CCSER1: variants seen among roughly 807,000 people sequenced by gnomAD.
The protein encoded by CCSER1 is coiled-coil serine rich protein 1.
In CCSER1, 41 loss-of-function variants were observed where a neutral mutation model predicts 82.0. The observed-to-expected ratio is 0.50, with a 90% CI of 0.39 to 0.65. The LOEUF (loss-of-function observed/expected upper bound fraction) is 0.65, where lower values mean the gene tolerates loss of function less well. CCSER1 is among the 30% of genes least tolerant of loss of function. The pLI is 0.00. For missense variants in CCSER1, 1,119 were observed against 1,064.2 expected (o/e 1.05, Z -0.72); for synonymous variants, 414 against 383.9 (o/e 1.08, Z -0.92).
At chr4:91,172,643 C>G (rs1732880547) in intron 10 of CCSER1, among the ~76,000 whole-genome samples, 1 of 152,172 alleles carries the variant, frequency 6.6e-6, no homozygotes, top group African/African-American at 2.4e-5. Flanking sequence ...TCAGACTCTT[C>G]TGATCAACAG....
chr4:91,605,209 T>C lies in CCSER1; in HGVS notation c.*6152T>C, dbSNP rs1318046954. 1 of 152,092 alleles carries C rather than the reference T, an allele frequency of 6.6e-6. No individual in the cohort carries two copies. Among genetic ancestry groups the C allele is most frequent in the East Asian group, 1.9e-4 (1 of 5,198 alleles). 9.4% of individuals were successfully genotyped at this position (152,092 alleles called of 1,614,324 possible). A position where few individuals can be genotyped will look rare whatever the true frequency, so the allele number is the denominator to read the frequency against. On this transcript the variant is annotated 3_prime_UTR_variant, in exon 11 of 11. Coordinates refer to ENST00000509176, the MANE Select transcript of CCSER1 (RefSeq NM_001145065.2). ...AATGAAAATTTCTCAATTTGGTTAA[T>C]ATTCTAAGAAAAGATTGATATATTT...
chr4:91,073,167 A>C (rs959816306), intron 9 of CCSER1, among the ~76,000 whole-genome samples: 12 of 152,138 alleles, frequency 7.9e-5, no homozygotes, highest in African/African-American at 2.9e-4. Flanking sequence ...GAAAAAATAT[A>C]GTTTGATAAA....
chr4:91,592,589 CAAG>C (rs145064885), intron 10 of CCSER1, among the ~76,000 whole-genome samples: 15,027 of 152,174 alleles, frequency 0.099, 752 homozygotes, highest in Middle Eastern at 0.16. Context: ...GCTTCTACTA[CAAG>C]AACTGTAACC....
At chr4:90,212,511 T>C (rs1025355232) in intron 1 of CCSER1, among the ~76,000 whole-genome samples, 13 of 152,180 alleles carry the variant, frequency 8.5e-5, no homozygotes, top group African/African-American at 2.9e-4. Context: ...ATTTGAAGGA[T>C]TGACTTTCTT....
intron 10 of CCSER1, among the ~76,000 whole-genome samples, chr4:91,425,181 GA>G (rs913655514): frequency 2.6e-4 from 40 of 152,200 alleles, no homozygotes; most frequent in African/African-American, 9.4e-4. Context: ...AGAGAAAGAA[GA>G]TAATTGACAT....
chr4:91,504,256 G>A (rs1759370296), intron 10 of CCSER1, among the ~76,000 whole-genome samples: 1 of 152,110 alleles, frequency 6.6e-6, no homozygotes. Context: ...AAGAATTGTT[G>A]TATCTAAGTG....
intron 10 of CCSER1, among the ~76,000 whole-genome samples, chr4:91,200,790 A>G (rs1735843744): frequency 6.6e-6 from 1 of 152,016 alleles, no homozygotes; most frequent in Non-Finnish European, 1.5e-5. Flanking sequence ...TCTCTTTAAT[A>G]CCAGATTCAT....
At chr4:91,061,293 G>T (rs1743931047) in intron 9 of CCSER1, among the ~76,000 whole-genome samples, 1 of 150,528 alleles carries the variant, frequency 6.6e-6, no homozygotes, top group Non-Finnish European at 1.5e-5. Context: ...AAAAAAAAAA[G>T]AACTGAAACT....
At chr4:90,571,036 A>G (rs1435778306) in intron 5 of CCSER1, among the ~76,000 whole-genome samples, 2 of 152,182 alleles carry the variant, frequency 1.3e-5, no homozygotes, top group East Asian at 1.9e-4. Context: ...ATGAGATACC[A>G]TCTCACACCA....
chr4:91,574,655 T>C (rs1328705233), intron 10 of CCSER1, among the ~76,000 whole-genome samples: 2 of 152,074 alleles, frequency 1.3e-5, no homozygotes, highest in Non-Finnish European at 1.5e-5. Context: ...GAAAACTAAA[T>C]ACCTCATGTT....
intron 1 of CCSER1, among the ~76,000 whole-genome samples, chr4:90,255,894 T>A (rs1723193449): frequency 6.6e-6 from 1 of 152,118 alleles, no homozygotes; most frequent in South Asian, 2.1e-4. Context: ...AACTTGTCAT[T>A]CACTTTATAG....
At chr4:90,911,900 A>T (rs1726443651) in intron 8 of CCSER1, among the ~76,000 whole-genome samples, 1 of 152,170 alleles carries the variant, frequency 6.6e-6, no homozygotes, top group African/African-American at 2.4e-5. Flanking sequence ...GCAGTCTGAG[A>T]TCAAAGTGCA....
chr4:91,407,563 A>T (rs902593003), intron 10 of CCSER1, among the ~76,000 whole-genome samples: 7 of 152,148 alleles, frequency 4.6e-5, no homozygotes, highest in Admixed American at 2.6e-4. Context: ...TAAAGAAAAG[A>T]GGTTTATTTG....
intron 4 of CCSER1, among the ~76,000 whole-genome samples, chr4:90,459,944 C>G (rs903802527): frequency 2.6e-5 from 4 of 152,146 alleles, no homozygotes; most frequent in Non-Finnish European, 5.9e-5. Flanking sequence ...GAGTTCATAA[C>G]TTTTGCTATT....
intron 1 of CCSER1, among the ~76,000 whole-genome samples, chr4:90,232,112 G>T (rs1341546894): frequency 2.0e-5 from 3 of 152,058 alleles, no homozygotes; most frequent in Admixed American, 2.0e-4. Context: ...CACAGAATTG[G>T]AAAAAACTAC....
chr4:90,317,674 A>T (rs1736421839), intron 3 of CCSER1, among the ~76,000 whole-genome samples: 1 of 152,108 alleles, frequency 6.6e-6, no homozygotes, highest in Non-Finnish European at 1.5e-5. Context: ...AAATCTAGCG[A>T]CTTATATAAT....
chr4:91,075,178 A>ATT (rs34000064), intron 9 of CCSER1, among the ~76,000 whole-genome samples: 49,129 of 148,668 alleles, frequency 0.33, 8,454 homozygotes, highest in South Asian at 0.44. Flanking sequence ...AGGAAGTTCT[A>ATT]TTTTTTTTTT....
intron 1 of CCSER1, among the ~76,000 whole-genome samples, chr4:90,243,803 A>T (rs1235116128): frequency 6.6e-6 from 1 of 152,048 alleles, no homozygotes; most frequent in African/African-American, 2.4e-5. Context: ...TGAATATATT[A>T]TAATTTTTTA....
At chr4:90,941,381 T>C (rs1196680840) in intron 9 of CCSER1, among the ~76,000 whole-genome samples, 1 of 152,248 alleles carries the variant, frequency 6.6e-6, no homozygotes, top group East Asian at 1.9e-4. Flanking sequence ...TTATTATATG[T>C]AGATGTTACT....
Sources: gnomAD v4.1 joint callset for allele counts (sites outside exome capture counted in the v4.1 genomes callset) on GRCh38, gnomAD v4.1.1 for gene constraint, MANE v1.5 for transcripts, NCBI Gene and HGNC (gene_info 2026-07-23, HGNC 2026-07-21) for gene names.